The following HOXD3 variants were observed in gnomAD, a reference collection of about 807,000 sequenced individuals.
HOXD3 encodes homeobox D3.
A neutral mutation model predicts 32.8 loss-of-function variants in HOXD3; 13 were observed. That is an observed-to-expected ratio of 0.40 (90% confidence interval 0.26 to 0.63). HOXD3 has a LOEUF of 0.63. Ranked by LOEUF, HOXD3 falls within the 20% of genes least tolerant of loss-of-function variation. The pLI is 0.44. For missense variants in HOXD3, 504 were observed against 577.1 expected (o/e 0.87, Z 1.30); for synonymous variants, 241 against 246.8 (o/e 0.98, Z 0.22).
chr2:176,164,122 AAG>A lies in HOXD3; in HGVS notation c.-127_-126del, dbSNP rs1239813388. 6.6e-6 allele frequency: 1 copy of A among 152,168 alleles called. No individual in the cohort carries two copies. The highest frequency in any genetic ancestry group is 2.4e-5 in the African/African-American group (1 of 41,436). 9.4% of individuals were successfully genotyped at this position (152,168 alleles called of 1,614,324 possible). ...AAACCTGAAGAGCCTACAAAAAAAA[AAG>A]AGATAAAGACAAAATTCAAGAAAAC... is the stretch of plus-strand genomic sequence containing the variant. On this transcript the variant is annotated 5_prime_UTR_variant, in exon 2 of 4. Coordinates refer to ENST00000683222, the MANE Select transcript of HOXD3 (RefSeq NM_006898.5).
chr2:176,154,525 G>T (rs1419422603), upstream of HOXD3, among the ~76,000 whole-genome samples: 1 of 152,310 alleles, frequency 6.6e-6, no homozygotes, highest in East Asian at 1.9e-4. Context: ...CAGAAGGGGG[G>T]TATTTTTTTC....
chr2:176,172,599 G>C lies in HOXD3; in HGVS notation c.*325G>C, dbSNP rs1691235242. The C allele has an allele frequency of 3.1e-6, 1 of 327,352 alleles. No homozygotes were observed. The allele number at this position is 327,352 out of a possible 1,614,324, so 20.3% of individuals were successfully genotyped here. A position where few individuals can be genotyped will look rare whatever the true frequency, so the allele number is the denominator to read the frequency against. ...AGACCCATCAGCGGCGCGCCCTGCA[G>C]AGGGACCAGAGCTTGGAGAGTCTTG... is the stretch of plus-strand genomic sequence containing the variant. On this transcript the variant is annotated 3_prime_UTR_variant, in exon 4 of 4. Coordinates refer to ENST00000683222, the MANE Select transcript of HOXD3 (RefSeq NM_006898.5).
Position 176,172,198 on chromosome 2 carries a change from C to A in HOXD3, c.1223C>A (p.Pro408His). 1 of 1,612,566 alleles carries A rather than the reference C, an allele frequency of 6.2e-7. No homozygotes were observed. Among genetic ancestry groups the A allele is most frequent in the South Asian group, 1.1e-5 (1 of 91,086 alleles). ...CACCATGGACCTTGCGACCCTCATC[C>A]CACCTACACAGATCTCTCGGCCCAC... ...NHHHGPCDPH[P>H]TYTDLSAHHS... The change falls in exon 4 of 4, where the codon CCC (proline) becomes CAC (histidine). Residue 408 changes from proline (P) to histidine (H), a missense_variant. This residue lies in a region of HOXD3 where 226 missense variants were observed against 246.9 expected (regional missense o/e 0.92). Coordinates refer to ENST00000683222, the MANE Select transcript of HOXD3 (RefSeq NM_006898.5).
Position 176,172,338 on chromosome 2 carries a change from G to A in HOXD3, c.*64G>A. On this transcript the variant is annotated 3_prime_UTR_variant, in exon 4 of 4. Coordinates refer to ENST00000683222, the MANE Select transcript of HOXD3 (RefSeq NM_006898.5). ...TCTTGCTGTAGTGGTGGGGTAGAGG[G>A]TGGGGCCCGCGGGGCAGTTCGGGAA... 1 of 1,461,554 alleles carries A rather than the reference G, an allele frequency of 6.8e-7. No individual in the cohort carries two copies. The highest frequency in any genetic ancestry group is 9.2e-7 in the Non-Finnish European group (1 of 1,092,040). The allele number at this position is 1,461,554 out of a possible 1,614,324, so 90.5% of individuals were successfully genotyped here. A position where few individuals can be genotyped will look rare whatever the true frequency, so the allele number is the denominator to read the frequency against.
chr2:176,168,548 C>T (rs529157198), intron 2 of HOXD3, among the ~76,000 whole-genome samples: 1 of 126,206 alleles, frequency 7.9e-6, no homozygotes, highest in East Asian at 2.1e-4. Flanking sequence ...GCCTTGGCAA[C>T]AGGAGCAAAA....
At chr2:176,158,452 C>G (rs1262972251) in intron 1 of HOXD3, among the ~76,000 whole-genome samples, 29 of 152,334 alleles carry the variant, frequency 1.9e-4, no homozygotes, top group Non-Finnish European at 2.9e-5. Context: ...CAGCTTGCAG[C>G]TCCGACCCGG....
chr2:176,167,685 CCTTTTTTTT>C (rs1691021120), intron 2 of HOXD3, among the ~76,000 whole-genome samples: 1 of 95,854 alleles, frequency 1.0e-5, no homozygotes. Context: ...GGGGGGAGAC[CCTTTTTTTT>C]TTTTTTTTTT....
chr2:176,172,569 G>T lies in HOXD3; in HGVS notation c.*295G>T. On this transcript the variant is annotated 3_prime_UTR_variant, in exon 4 of 4. Coordinates refer to ENST00000683222, the MANE Select transcript of HOXD3 (RefSeq NM_006898.5). ...TCTGGTAATGGTGTCCCAAAGGTAA[G>T]TCTGAGACCCATCAGCGGCGCGCCC... 1 of 415,160 alleles carries T rather than the reference G, an allele frequency of 2.4e-6. No homozygotes were observed. The highest frequency in any genetic ancestry group is 4.3e-6 in the Non-Finnish European group (1 of 233,252). The allele number at this position is 415,160 out of a possible 1,614,324, so 25.7% of individuals were successfully genotyped here. A position where few individuals can be genotyped will look rare whatever the true frequency, so the allele number is the denominator to read the frequency against.
upstream of HOXD3, among the ~76,000 whole-genome samples, chr2:176,156,371 C>T (rs1690643936): frequency 6.6e-6 from 1 of 152,158 alleles, no homozygotes; most frequent in African/African-American, 2.4e-5. Context: ...AGTAATTGCC[C>T]AGGTTAATAG....
At chr2:176,153,722 C>A (rs1308939354), upstream of HOXD3, among the ~76,000 whole-genome samples, 1 of 152,156 alleles carries the variant, frequency 6.6e-6, no homozygotes, top group Non-Finnish European at 1.5e-5. Context: ...GGCCTTAACC[C>A]TTCCAGAAGG....
chr2:176,172,069 C>G lies in HOXD3; in HGVS notation c.1094C>G (p.Ser365Cys), dbSNP rs1176862457. ...TACGTGGGCGGCAACTTCGTCGAGT[C>G]CATGGCGCCCGCGTCCGGGCCTGTC... ...PVYVGGNFVESMAPASGPVFN... is the reference protein window; with the variant it reads ...PVYVGGNFVECMAPASGPVFN... Residue 365 changes from serine to cysteine, a missense_variant, in exon 4 of 4, where the codon TCC becomes TGC. Coordinates refer to ENST00000683222, the MANE Select transcript of HOXD3 (RefSeq NM_006898.5). 3.7e-6 allele frequency: 6 copies of G among 1,610,604 alleles called. No homozygotes were observed. The South Asian group carries it at 6.6e-5, about 18-fold the overall frequency.
chr2:176,153,039 T>C (rs2105424225), upstream of HOXD3: 2 of 1,227,600 alleles, frequency 1.6e-6, no homozygotes, highest in Middle Eastern at 1.9e-4. Flanking sequence ...GGCTCTAAGG[T>C]ACTGTGGGGT....
At chr2:176,155,574 C>T (rs556755891), upstream of HOXD3, among the ~76,000 whole-genome samples, 6 of 152,294 alleles carry the variant, frequency 3.9e-5, no homozygotes, top group African/African-American at 7.2e-5. Flanking sequence ...AGGTCCCAGT[C>T]GGACCCCAGC....
rs565065120 is a variant in HOXD3 at position 176,172,374 on chromosome 2, C to T, written c.*100C>T. The T allele has an allele frequency of 2.5e-6, 3 of 1,203,630 alleles. No individual in the cohort carries two copies. Among genetic ancestry groups the T allele is most frequent in the Admixed American group, 2.9e-5 (1 of 34,770 alleles). The allele number at this position is 1,203,630 out of a possible 1,614,324, so 74.6% of individuals were successfully genotyped here. A position where few individuals can be genotyped will look rare whatever the true frequency, so the allele number is the denominator to read the frequency against. ...GGGGCAGTTCGGGAACCCCCTTCCC[C>T]GCTCTTGCCCTGCCGCCGCCTCCCG... On this transcript the variant is annotated 3_prime_UTR_variant, in exon 4 of 4. Coordinates refer to ENST00000683222, the MANE Select transcript of HOXD3 (RefSeq NM_006898.5).
intron 2 of HOXD3, 88 bp downstream of exon 2, chr2:176,164,256 T>G (rs181867793): frequency 6.6e-6 from 1 of 152,076 alleles, no homozygotes. Flanking sequence ...CATCAAGACA[T>G]AGAACAAAGG....
At chr2:176,167,338 A>T (rs1024558842) in intron 2 of HOXD3, among the ~76,000 whole-genome samples, 2 of 152,210 alleles carry the variant, frequency 1.3e-5, no homozygotes, top group African/African-American at 4.8e-5. Context: ...ATCCAAGGCA[A>T]AAATAATAAA....
upstream of HOXD3, chr2:176,153,263 A>T (rs1334599032): frequency 1.3e-5 from 5 of 373,786 alleles, 1 homozygote; most frequent in East Asian, 2.3e-4. Flanking sequence ...TGAAGGTTGG[A>T]TGCTTTATCC....
Position 176,172,809 on chromosome 2 carries a change from TAGGA to T in HOXD3, c.*537_*540del, listed in dbSNP as rs940803840. On this transcript the variant is annotated 3_prime_UTR_variant, in exon 4 of 4. Coordinates refer to ENST00000683222, the MANE Select transcript of HOXD3 (RefSeq NM_006898.5). Reference sequence around the variant, plus strand: ...ATTTGTAGATTTATCCAGCCGAGCTTAGGAATTCGCTTCCAGGCCGTGGGGGCCA... The same window carrying T: ...ATTTGTAGATTTATCCAGCCGAGCTTATTCGCTTCCAGGCCGTGGGGGCCA... 6.5e-6 allele frequency: 1 copy of T among 153,590 alleles called. No individual in the cohort carries two copies. Among genetic ancestry groups the T allele is most frequent in the Non-Finnish European group, 1.5e-5 (1 of 68,834 alleles). 9.5% of individuals were successfully genotyped at this position (153,590 alleles called of 1,614,324 possible).
chr2:176,171,656 G>A lies in HOXD3; in HGVS notation c.681G>A (p.Met227Ile). The A allele has an allele frequency of 6.2e-7, 1 of 1,614,204 alleles. No individual in the cohort carries two copies. The highest frequency in any genetic ancestry group is 8.5e-7 in the Non-Finnish European group (1 of 1,180,032). ...TGTGCCGGCCGCGCCGCGTGGAGAT[G>A]GCCAACCTGCTGAATCTCACGGAAC... ...RYLCRPRRVE[M>I]ANLLNLTERQ... Residue 227 changes from methionine (M) to isoleucine (I), a missense_variant, in exon 4 of 4, where the codon ATG becomes ATA. Physicochemically the swap from Met to Ile is conservative, Grantham distance 10. This residue lies in a region of HOXD3 where 97 missense variants were observed against 158.0 expected (regional missense o/e 0.61). Coordinates refer to ENST00000683222, the MANE Select transcript of HOXD3 (RefSeq NM_006898.5).
Sources: allele counts gnomAD v4.1 joint callset (sites outside exome capture counted in the v4.1 genomes callset), GRCh38; gene constraint gnomAD v4.1.1; regional missense constraint gnomAD v4.1.1; transcripts MANE v1.5; gene names NCBI Gene and HGNC (gene_info 2026-07-23, HGNC 2026-07-21).